Variants in ZNF516 observed in about 807,000 individuals in gnomAD.
ZNF516 encodes the protein zinc finger protein 516.
In ZNF516, 19 loss-of-function variants were observed where a neutral mutation model predicts 79.7. The ratio of observed to expected loss-of-function variants is 0.24; its 90% CI spans 0.17 to 0.35. The LOEUF (loss-of-function observed/expected upper bound fraction) is 0.35. Among genes scored for constraint, ZNF516 ranks in the 10% least tolerant of loss-of-function variants. ZNF516 has a pLI of 1.00. For synonymous variants in ZNF516, 877 were observed against 739.5 expected, an observed-to-expected ratio of 1.19 and a Z score of -3.02; for missense variants, 1,678 against 1,679.5, an observed-to-expected ratio of 1.00 and a Z score of 0.02.
chr18:76,485,216 C>T (rs1404158845), intron 1 of ZNF516, among the ~76,000 whole-genome samples: 2 of 152,068 alleles, frequency 1.3e-5, no homozygotes, highest in Admixed American at 6.5e-5. Flanking sequence ...CTCAAAGGGA[C>T]AAATTATCAT....
chr18:76,365,211 A>G (rs2074595993), intron 6 of ZNF516, among the ~76,000 whole-genome samples: 1 of 152,216 alleles, frequency 6.6e-6, no homozygotes, highest in East Asian at 1.9e-4. Flanking sequence ...AACCATTTTA[A>G]AATAACATTT....
intron 2 of ZNF516, among the ~76,000 whole-genome samples, chr18:76,461,043 G>T (rs1913071877): frequency 6.6e-6 from 1 of 152,262 alleles, no homozygotes; most frequent in South Asian, 2.1e-4. Context: ...TTAGCCGGGC[G>T]TGGTGGCGCA....
intron 1 of ZNF516, among the ~76,000 whole-genome samples, chr18:76,484,026 G>GCTCTC (rs1412429105): frequency 6.6e-6 from 1 of 152,118 alleles, no homozygotes; most frequent in African/African-American, 2.4e-5. Context: ...CTGAAGGGGG[G>GCTCTC]CTCTCCCTAC....
intron 1 of ZNF516, among the ~76,000 whole-genome samples, chr18:76,465,615 GA>G (rs1433232239): frequency 6.6e-6 from 1 of 152,222 alleles, no homozygotes; most frequent in African/African-American, 2.4e-5. Flanking sequence ...ATGTTTACAA[GA>G]CCAACCCCTG....
chr18:76,382,208 T>C (rs569549254), intron 3 of ZNF516, among the ~76,000 whole-genome samples: 25 of 152,286 alleles, frequency 1.6e-4, no homozygotes, highest in African/African-American at 5.8e-4. Flanking sequence ...TATATGAGTC[T>C]GTTATACGCA....
At chr18:76,412,605 T>C (rs1350456808) in intron 3 of ZNF516, among the ~76,000 whole-genome samples, 1 of 152,048 alleles carries the variant, frequency 6.6e-6, no homozygotes, top group African/African-American at 2.4e-5. Context: ...CACTGGGTAA[T>C]AGAGGAAGGG....
chr18:76,410,630 A>T (rs544818027), intron 3 of ZNF516, among the ~76,000 whole-genome samples: 1 of 152,222 alleles, frequency 6.6e-6, no homozygotes, highest in East Asian at 1.9e-4. Context: ...TAAAAATTTC[A>T]ATTTGTTTTG....
At chr18:76,452,149 G>A (rs1330083005) in intron 2 of ZNF516, among the ~76,000 whole-genome samples, 5 of 152,146 alleles carry the variant, frequency 3.3e-5, no homozygotes, top group African/African-American at 1.2e-4. Context: ...GACACAAAAC[G>A]CCACTATCCC....
upstream of ZNF516, chr18:76,496,145 G>A: frequency 1.5e-5 from 9 of 610,654 alleles, no homozygotes; most frequent in African/African-American, 2.0e-5. Flanking sequence ...CGGGGTGGGG[G>A]AGGGGAGGGC....
chr18:76,493,065 A>T lies in ZNF516; in HGVS notation c.-272+2079T>A. On this transcript the variant is annotated intron_variant, in intron 1 of 6. Transcript: ENST00000443185. The surrounding 1 kb of genome is among the most constrained non-coding windows in gnomAD (Gnocchi z 5.2). ...GCCAGCAGAGCCGTCACTCACGCCC[A>T]GGGGGCAGGGAGACTTCGCAAAGCT... The T allele has an allele frequency of 1.0e-6, 1 of 983,918 alleles. No individual in the cohort carries two copies. The highest frequency in any genetic ancestry group is 1.2e-6 in the Non-Finnish European group (1 of 829,750). 60.9% of individuals were successfully genotyped at this position (983,918 alleles called of 1,614,324 possible). A position where few individuals can be genotyped will look rare whatever the true frequency, so the allele number is the denominator to read the frequency against.
At chr18:76,368,038 G>A (rs1182335977) in intron 6 of ZNF516, among the ~76,000 whole-genome samples, 1 of 152,156 alleles carries the variant, frequency 6.6e-6, no homozygotes, top group East Asian at 1.9e-4. Context: ...AAATATTAAT[G>A]AATGTTAGCA....
intron 2 of ZNF516, among the ~76,000 whole-genome samples, chr18:76,457,700 G>A (rs981300786): frequency 4.6e-5 from 7 of 152,168 alleles, no homozygotes; most frequent in Non-Finnish European, 8.8e-5. Flanking sequence ...CTAGGTGACT[G>A]ACTCACATCC....
rs550942913 is a variant in ZNF516 at position 76,451,390 on chromosome 18, G to C, written c.-157-8179C>G. On this transcript the variant is annotated intron_variant, in intron 2 of 6. Coordinates refer to ENST00000443185, the MANE Select transcript of ZNF516 (RefSeq NM_014643.4). The surrounding 1 kb of genome is among the most constrained non-coding windows in gnomAD (Gnocchi z 6.0). ...ACAGCCCGGTCCTGCGCACATCTCC[G>C]CTGACAGGGCATTCCTCAGGAGGGG... Among the ~76,000 whole-genome samples the C allele has an allele frequency of 6.6e-6, 1 of 152,296 alleles. No individual in the cohort carries two copies. The highest frequency in any genetic ancestry group is 2.1e-4 in the South Asian group (1 of 4,824).
chr18:76,367,339 G>A (rs547570590), intron 6 of ZNF516, among the ~76,000 whole-genome samples: 4 of 152,130 alleles, frequency 2.6e-5, no homozygotes, highest in South Asian at 2.1e-4. Context: ...TTCTGCTGCC[G>A]GGAACCACTA....
chr18:76,374,885 TATA>T (rs1422086452), intron 4 of ZNF516, among the ~76,000 whole-genome samples: 1 of 152,176 alleles, frequency 6.6e-6, no homozygotes, highest in East Asian at 1.9e-4. Flanking sequence ...GATACACTTG[TATA>T]ATAAGACACG....
chr18:76,422,506 C>T (rs1370383136), intron 3 of ZNF516, among the ~76,000 whole-genome samples: 2 of 152,104 alleles, frequency 1.3e-5, no homozygotes, highest in East Asian at 1.9e-4. Flanking sequence ...AGAATTAAAT[C>T]GACTAATTAT....
At chr18:76,406,819 G>A (rs1234214345) in intron 3 of ZNF516, among the ~76,000 whole-genome samples, 2 of 152,190 alleles carry the variant, frequency 1.3e-5, no homozygotes, top group Non-Finnish European at 2.9e-5. Flanking sequence ...CGGCCCAGGA[G>A]TGCAGAGTCT....
Position 76,380,433 on chromosome 18 carries a change from G to C in ZNF516, c.1811-130C>G, listed in dbSNP as rs946494287. On this transcript the variant is annotated intron_variant, in intron 3 of 6. Transcript: ENST00000443185. ...GCGGGAGAAGCCACCCTTGAGTCTG[G>C]GTGGCTCTTAGAAAACCCCTGAGGA... is the stretch of plus-strand genomic sequence containing the variant. 5.5e-6 allele frequency: 7 copies of C among 1,268,030 alleles called. No individual in the cohort carries two copies. In the Admixed American group the frequency reaches 1.7e-4, roughly 30 times the overall value. The allele number at this position is 1,268,030 out of a possible 1,614,324, so 78.5% of individuals were successfully genotyped here.
chr18:76,398,817 T>C (rs1315776917), intron 3 of ZNF516, among the ~76,000 whole-genome samples: 1 of 152,234 alleles, frequency 6.6e-6, no homozygotes, highest in Non-Finnish European at 1.5e-5. Context: ...AGCACCTGCA[T>C]GGCTTTCTAC....
Sources: gnomAD v4.1 joint callset for allele counts (sites outside exome capture counted in the v4.1 genomes callset) on GRCh38, gnomAD v4.1.1 for gene constraint, Gnocchi (gnomAD v3.1) non-coding constraint, MANE v1.5 for transcripts, NCBI Gene and HGNC (gene_info 2026-07-23, HGNC 2026-07-21) for gene names.